Variants in MYLK3 observed in about 807,000 individuals in gnomAD.
MYLK3 encodes MLC kinase.
Under a neutral mutation model 76.3 loss-of-function variants are expected in MYLK3, and 55 were observed. That is an observed-to-expected ratio of 0.72 (90% CI 0.58 to 0.90). MYLK3 has a LOEUF of 0.90. Ranked by LOEUF, MYLK3 falls within the 40% of genes least tolerant of loss-of-function variation. MYLK3 has a pLI of 0.00. For missense variants in MYLK3, 973 were observed against 1,053.6 expected (o/e 0.92, Z 1.06); for synonymous variants, 416 against 425.4 (o/e 0.98, Z 0.27).
chr16:46,708,476 T>C (rs192426414), intron 12 of MYLK3, among the ~76,000 whole-genome samples: 1 of 151,994 alleles, frequency 6.6e-6, no homozygotes, highest in Admixed American at 6.5e-5. Context: ...TAAACAGAGA[T>C]GGGAGTCTCC....
chr16:46,721,722 C>T (rs930665543), intron 8 of MYLK3, among the ~76,000 whole-genome samples: 12 of 152,024 alleles, frequency 7.9e-5, no homozygotes, highest in Admixed American at 6.6e-5. Flanking sequence ...AACAACTAAA[C>T]GAAATCTAAA....
intron 1 of MYLK3, among the ~76,000 whole-genome samples, chr16:46,753,994 G>A (rs1027367796): frequency 6.6e-6 from 1 of 152,142 alleles, no homozygotes; most frequent in African/African-American, 2.4e-5. Context: ...AGGAGAGGAT[G>A]CTATGGAAAA....
rs559433571 is a variant in MYLK3, at chr16:46,757,476, G to A, written c.-114+5564C>T. On this transcript the variant is annotated intron_variant, in intron 1 of 11. Transcript: ENST00000536476. ...GCTGCTGGCCTCTGGTGCTGGGACC[G>A]CGCAGTGCTGGAGTGGGGCACAGAG... 174 of 985,436 alleles carry A rather than the reference G, an allele frequency of 1.8e-4. No homozygotes were observed. The Middle Eastern group carries it at 9.9e-3, about 56-fold the overall frequency. The allele number at this position is 985,436 out of a possible 1,614,324, so 61.0% of individuals were successfully genotyped here. A position where few individuals can be genotyped will look rare whatever the true frequency, so the allele number is the denominator to read the frequency against.
intron 3 of MYLK3, among the ~76,000 whole-genome samples, chr16:46,733,179 T>C (rs1244039244): frequency 1.3e-5 from 2 of 151,962 alleles, no homozygotes; most frequent in East Asian, 1.9e-4. Context: ...CTGGGCAACA[T>C]AGCAAGACCC....
intron 8 of MYLK3, chr16:46,726,681 G>GAAAGAAAGAAAGAAAGAAAGAAAGAAAGA (rs1966841602): frequency 1.9e-5 from 2 of 104,634 alleles, no homozygotes; most frequent in African/African-American, 3.8e-5. Flanking sequence ...GAAAGAGAAA[G>GAAAGAAAGAAAGAAAGAAAGAAAGAAAGA]AAAGAAAGAA....
intron 9 of MYLK3, among the ~76,000 whole-genome samples, chr16:46,719,617 T>C (rs1458404561): frequency 6.6e-6 from 1 of 151,930 alleles, no homozygotes; most frequent in African/African-American, 2.4e-5. Flanking sequence ...GAGAGTAGGG[T>C]GATGGTGAAG....
intron 1 of MYLK3, among the ~76,000 whole-genome samples, chr16:46,744,778 T>C (rs1966994789): frequency 1.3e-5 from 2 of 152,140 alleles, no homozygotes; most frequent in East Asian, 1.9e-4. Flanking sequence ...GGCAGGAGGA[T>C]TGCTTGAGCC....
chr16:46,729,754 T>C lies in MYLK3; in HGVS notation c.1569-67A>G, dbSNP rs990705155. On this transcript the variant is annotated intron_variant, in intron 5 of 12. Coordinates refer to ENST00000394809, the MANE Select transcript of MYLK3 (RefSeq NM_182493.3). ...CTCATCCCACACCCATCCCTGGACT[T>C]CTGGGTCCAACTCATCCACACACAG... The C allele has an allele frequency of 7.0e-6, 10 of 1,426,814 alleles. No individual in the cohort carries two copies. The African/African-American group carries it at 1.4e-4, about 20-fold the overall frequency. 88.4% of individuals were successfully genotyped at this position (1,426,814 alleles called of 1,614,324 possible).
At position 46,721,118 on chromosome 16, in the gene MYLK3, C is replaced by T. The variant is rs755823895; in HGVS notation, c.1985+5G>A. 6.2e-7 allele frequency: 1 copy of T among 1,613,860 alleles called. No individual in the cohort carries two copies. The highest frequency in any genetic ancestry group is 8.5e-7 in the Non-Finnish European group (1 of 1,179,712). ...TGTTAAGGTATCTAAATAAAACCCCCTTACCTTCTGGCCAGCCCAAAGTCA... is the reference window on the plus strand; with the variant it reads ...TGTTAAGGTATCTAAATAAAACCCCTTTACCTTCTGGCCAGCCCAAAGTCA... On this transcript the variant is annotated splice_donor_5th_base_variant and intron_variant, in intron 9 of 12. Coordinates refer to ENST00000394809, the MANE Select transcript of MYLK3 (RefSeq NM_182493.3).
intron 9 of MYLK3, among the ~76,000 whole-genome samples, chr16:46,716,331 T>C (rs1167483455): frequency 2.0e-5 from 3 of 151,806 alleles, no homozygotes; most frequent in Non-Finnish European, 4.4e-5. Flanking sequence ...GATAGACAGA[T>C]AGATGTTATG....
At chr16:46,721,344 T>C (rs957131233) in intron 8 of MYLK3, 151 bp from the exon 9 acceptor site, 1 of 658,792 alleles carries the variant, frequency 1.5e-6, no homozygotes, top group Non-Finnish European at 2.6e-6. Flanking sequence ...TGGAAATACA[T>C]GAAGGGGCTG....
In MYLK3 at chr16:46,710,718, C is replaced by T; in HGVS notation, c.2186G>A (p.Trp729Ter). The T allele has an allele frequency of 1.9e-6, 3 of 1,614,142 alleles. No individual in the cohort carries two copies. Among genetic ancestry groups the T allele is most frequent in the Non-Finnish European group, 2.5e-6 (3 of 1,180,040 alleles). Residue 729 changes from tryptophan (W) to a stop codon, truncating the protein, a stop_gained, in exon 11 of 13, where the codon TGG becomes TAG. Transcript: ENST00000394809. LOFTEE classifies it high-confidence loss of function. ...ETMNFIVNCS[W>*]DFDADTFEGL... ...TTCAAAGGTGTCAGCATCAAAATCC[C>T]AGCTACAGTTTACAATGAAATTCAT...
intron 1 of MYLK3, among the ~76,000 whole-genome samples, chr16:46,740,536 CATAT>C (rs370327693): frequency 1.1e-5 from 1 of 93,666 alleles, no homozygotes; most frequent in African/African-American, 4.0e-5. Context: ...TATATACATA[CATAT>C]ATATATATAT....
chr16:46,753,703 G>A (rs575717480), intron 1 of MYLK3, among the ~76,000 whole-genome samples: 17 of 152,122 alleles, frequency 1.1e-4, no homozygotes, highest in Non-Finnish European at 1.9e-4. Context: ...TTGAGCACAA[G>A]AATTCAAGAC....
At chr16:46,718,623 T>C (rs1269055588) in intron 9 of MYLK3, among the ~76,000 whole-genome samples, 5 of 152,134 alleles carry the variant, frequency 3.3e-5, no homozygotes, top group Non-Finnish European at 7.4e-5. Flanking sequence ...GTGGATGTGA[T>C]AGAGGGTACC....
At chr16:46,716,833 A>G (rs1450419513) in intron 9 of MYLK3, among the ~76,000 whole-genome samples, 2 of 152,128 alleles carry the variant, frequency 1.3e-5, no homozygotes, top group Admixed American at 6.5e-5. Context: ...CTATGTATTG[A>G]TGCCTCCATA....
chr16:46,716,576 A>C (rs928757909), intron 9 of MYLK3, among the ~76,000 whole-genome samples: 29 of 148,988 alleles, frequency 1.9e-4, no homozygotes, highest in African/African-American at 7.0e-4. Context: ...CCTTGTTATA[A>C]TGTTGGGACA....
intron 5 of MYLK3, 56 bp from the exon 6 acceptor site, chr16:46,729,743 A>C (rs1596759682): frequency 3.3e-6 from 5 of 1,498,112 alleles, no homozygotes; most frequent in Non-Finnish European, 4.6e-6. Context: ...TCCCACACCC[A>C]TCCCTGGACT....
At chr16:46,730,739 C>T in intron 4 of MYLK3, 41 bp from the exon 5 acceptor site, 1 of 1,568,228 alleles carries the variant, frequency 6.4e-7, no homozygotes. Context: ...CTCCTCTGTG[C>T]AGCCCACACC....
Sources: allele counts gnomAD v4.1 joint callset (sites outside exome capture counted in the v4.1 genomes callset), GRCh38; gene constraint gnomAD v4.1.1; transcripts MANE v1.5; gene names NCBI Gene and HGNC (gene_info 2026-07-23, HGNC 2026-07-21).